The following TPRX1 variants were observed in gnomAD, a reference collection of about 807,000 sequenced individuals.
The protein encoded by TPRX1 is tetrapeptide repeat homeobox 1.
A neutral mutation model predicts 8.1 loss-of-function variants in TPRX1; 2 were observed. That is an observed-to-expected ratio of 0.25 (90% CI 0.10 to 0.78). The LOEUF (loss-of-function observed/expected upper bound fraction) is 0.78. Ranked by LOEUF, TPRX1 falls within the 30% of genes least tolerant of loss-of-function variation. The probability of loss-of-function intolerance (pLI) is 0.70; values close to 1 mark genes in which losing one functional copy is unlikely to be tolerated. For synonymous variants in TPRX1, 257 were observed against 254.1 expected (o/e 1.01, Z -0.11); for missense variants, 517 against 586.9 (o/e 0.88, Z 1.23).
intron 2 of TPRX1, among the ~76,000 whole-genome samples, chr19:47,804,166 C>A (rs894898292): frequency 2.0e-5 from 3 of 150,836 alleles, no homozygotes; most frequent in African/African-American, 7.3e-5. Flanking sequence ...AGGAACCCCC[C>A]GCCTTAGTCT....
chr19:47,811,927 T>G (rs970512579), intron 2 of TPRX1, among the ~76,000 whole-genome samples: 1 of 151,368 alleles, frequency 6.6e-6, no homozygotes, highest in Non-Finnish European at 1.5e-5. Flanking sequence ...AGTGCAATGG[T>G]GCAATCTCAG....
chr19:47,816,147 C>T (rs1275871033), intron 2 of TPRX1, among the ~76,000 whole-genome samples: 1 of 152,006 alleles, frequency 6.6e-6, no homozygotes, highest in African/African-American at 2.4e-5. Flanking sequence ...CGGCTCACTG[C>T]ATCCTCCGCC....
At chr19:47,806,331 C>T (rs1251425035) in intron 2 of TPRX1, among the ~76,000 whole-genome samples, 6 of 152,180 alleles carry the variant, frequency 3.9e-5, no homozygotes, top group African/African-American at 9.6e-5. Flanking sequence ...CCAGCTTGGT[C>T]GACATGGTGA....
chr19:47,815,146 A>AT, intron 2 of TPRX1, among the ~76,000 whole-genome samples: 2 of 62,604 alleles, frequency 3.2e-5, no homozygotes, highest in African/African-American at 1.2e-4. Context: ...ATATATATGC[A>AT]AATATATATA....
intron 2 of TPRX1, among the ~76,000 whole-genome samples, chr19:47,813,496 C>CGTGGTGACTCCTA (rs1568616831): frequency 6.6e-6 from 1 of 152,146 alleles, no homozygotes; most frequent in Non-Finnish European, 1.5e-5. Flanking sequence ...CTAGGCACTC[C>CGTGGTGACTCCTA]GGTGACCGTG....
At chr19:47,802,389 G>C in exon 4 of TPRX1, 1 of 1,004,274 alleles carries the variant, frequency 1.0e-6, no homozygotes. Context: ...ATTGGGCCTG[G>C]GATCGGGCCT....
intron 2 of TPRX1, among the ~76,000 whole-genome samples, chr19:47,813,951 G>A (rs1445196182): frequency 1.3e-5 from 2 of 151,090 alleles, no homozygotes; most frequent in Non-Finnish European, 3.0e-5. Flanking sequence ...AGGGCGTGGT[G>A]GGGGCGGGGT....
chr19:47,809,078 C>CT (rs1175775096), intron 2 of TPRX1, among the ~76,000 whole-genome samples: 1 of 151,662 alleles, frequency 6.6e-6, no homozygotes, highest in Non-Finnish European at 1.5e-5. Flanking sequence ...CTTTGTTGGG[C>CT]TTTTTTTTCC....
intron 2 of TPRX1, among the ~76,000 whole-genome samples, chr19:47,808,629 T>A (rs1489208947): frequency 1.3e-5 from 2 of 151,540 alleles, no homozygotes; most frequent in African/African-American, 2.4e-5. Flanking sequence ...ATTTTTATTT[T>A]ATTTTTAGTA....
At chr19:47,810,029 C>T (rs1225168079) in intron 2 of TPRX1, among the ~76,000 whole-genome samples, 1 of 151,678 alleles carries the variant, frequency 6.6e-6, no homozygotes, top group Non-Finnish European at 1.5e-5. Flanking sequence ...CCGAGGTGGG[C>T]GGATCACCTG....
chr19:47,808,879 C>T (rs992546536), intron 2 of TPRX1, among the ~76,000 whole-genome samples: 3 of 152,180 alleles, frequency 2.0e-5, no homozygotes, highest in Admixed American at 6.5e-5. Context: ...GATTAATTCA[C>T]GCCCACAAAT....
At chr19:47,815,669 A>C in intron 2 of TPRX1, among the ~76,000 whole-genome samples, 1 of 140,898 alleles carries the variant, frequency 7.1e-6, no homozygotes, top group Non-Finnish European at 1.6e-5. Flanking sequence ...AAAAAAAAGC[A>C]GGTGTGGTGG....
chr19:47,802,823 A>G (rs961487618), exon 4 of TPRX1: 5 of 1,600,916 alleles, frequency 3.1e-6, no homozygotes, highest in Non-Finnish European at 2.6e-6. Context: ...CGCCGCTGGA[A>G]GGATTCCCGA....
At chr19:47,816,779 G>T (rs183492610) in intron 2 of TPRX1, among the ~76,000 whole-genome samples, 1 of 151,452 alleles carries the variant, frequency 6.6e-6, no homozygotes, top group Non-Finnish European at 1.5e-5. Context: ...TGATCTGCCC[G>T]CCTTGGCCTC....
chr19:47,818,074 T>C (rs1016220519), intron 2 of TPRX1, among the ~76,000 whole-genome samples: 6 of 152,176 alleles, frequency 3.9e-5, no homozygotes, highest in African/African-American at 1.4e-4. Flanking sequence ...CAAACACTAG[T>C]GGGCAGCCCC....
At chr19:47,806,902 A>G (rs1396311019) in intron 2 of TPRX1, among the ~76,000 whole-genome samples, 1 of 151,424 alleles carries the variant, frequency 6.6e-6, no homozygotes, top group Non-Finnish European at 1.5e-5. Flanking sequence ...ACTAAAGACG[A>G]TTTAATTTTT....
At chr19:47,816,819 A>T (rs527312538) in intron 2 of TPRX1, among the ~76,000 whole-genome samples, 1 of 152,310 alleles carries the variant, frequency 6.6e-6, no homozygotes, top group Non-Finnish European at 1.5e-5. Flanking sequence ...GGCGTGAGCC[A>T]CCACGCCCAG....
chr19:47,818,638 G>T, intron 1 of TPRX1: 2 of 440,850 alleles, frequency 4.5e-6, no homozygotes, highest in South Asian at 3.3e-5. Context: ...GGTATGAGGA[G>T]CACCCCCATC....
intron 2 of TPRX1, among the ~76,000 whole-genome samples, chr19:47,803,893 G>C (rs562329799): frequency 3.3e-5 from 5 of 152,152 alleles, no homozygotes; most frequent in African/African-American, 7.2e-5. Context: ...GGCAGGCAGC[G>C]TAGGCGCCTC....
Sources: allele counts gnomAD v4.1 joint callset (sites outside exome capture counted in the v4.1 genomes callset), GRCh38; gene constraint gnomAD v4.1.1; transcripts MANE v1.5; gene names NCBI Gene and HGNC (gene_info 2026-07-23, HGNC 2026-07-21).